NOS1AP: variants seen among roughly 807,000 people sequenced by gnomAD.
NOS1AP encodes carboxyl-terminal PDZ ligand of neuronal nitric oxide synthase protein.
NOS1AP carries 21 observed loss-of-function variants against 56.2 expected under a neutral mutation model. The ratio of observed to expected loss-of-function variants is 0.37; its 90% CI spans 0.26 to 0.54. The LOEUF (loss-of-function observed/expected upper bound fraction) is 0.54, where lower values mean the gene tolerates loss of function less well. Among genes scored for constraint, NOS1AP ranks in the 20% least tolerant of loss-of-function variants. The pLI is 0.84. For missense variants in NOS1AP, 522 were observed against 657.8 expected, an observed-to-expected ratio of 0.79 and a Z score of 2.26; for synonymous variants, 270 against 274.6, an observed-to-expected ratio of 0.98 and a Z score of 0.17.
At chr1:162,240,199 C>T (rs2101679852) in intron 2 of NOS1AP, among the ~76,000 whole-genome samples, 1 of 151,884 alleles carries the variant, frequency 6.6e-6, no homozygotes, top group Admixed American at 6.5e-5. Flanking sequence ...GCCTCACTGA[C>T]TTCCATGATT....
rs115686399 is a variant in NOS1AP, at chr1:162,135,551, C to G, written c.106-18854C>G. Among the ~76,000 whole-genome samples, 1,344 of 152,262 alleles carry G rather than the reference C, an allele frequency of 8.8e-3. 20 individuals are homozygous for G. The highest frequency in any genetic ancestry group is 0.031 in the African/African-American group (1,272 of 41,542). ...GGCATTTATTTTGGACCCTGAGAAG[C>G]AGAAGCCTTCTGCATCTCCCAAGGG... On this transcript the variant is annotated intron_variant, in intron 1 of 9. Coordinates refer to ENST00000361897, the MANE Select transcript of NOS1AP (RefSeq NM_014697.3).
intron 2 of NOS1AP, among the ~76,000 whole-genome samples, chr1:162,255,490 ATTTTTTTTTTTTTTTTTTT>A (rs35637289): frequency 0.036 from 2,220 of 61,142 alleles, 100 homozygotes; most frequent in African/African-American, 0.1. Context: ...GCTGCTGCTG[ATTTTTTTTTTTTTTTTTTT>A]TTTTTTTTTT....
chr1:162,272,396 A>C (rs529006535), intron 2 of NOS1AP, among the ~76,000 whole-genome samples: 2 of 152,264 alleles, frequency 1.3e-5, no homozygotes, highest in South Asian at 4.2e-4. Context: ...GAAGCTGGGG[A>C]TGCTGCCAAA....
At chr1:162,230,151 C>T (rs1653077548) in intron 2 of NOS1AP, among the ~76,000 whole-genome samples, 1 of 152,128 alleles carries the variant, frequency 6.6e-6, no homozygotes, top group African/African-American at 2.4e-5. Flanking sequence ...GGCTGGGGCC[C>T]ACTGGATGGT....
intron 2 of NOS1AP, among the ~76,000 whole-genome samples, chr1:162,165,805 T>C (rs536065354): frequency 4.6e-5 from 7 of 152,348 alleles, no homozygotes; most frequent in African/African-American, 1.7e-4. Context: ...AGGCCATTAT[T>C]TGATTTTATG....
chr1:162,301,894 G>A (rs1363618553), intron 4 of NOS1AP, among the ~76,000 whole-genome samples: 1 of 152,250 alleles, frequency 6.6e-6, no homozygotes. Flanking sequence ...CTTTTAAAGA[G>A]CAGATGCTTG....
chr1:162,157,452 G>T (rs923142797), intron 2 of NOS1AP, among the ~76,000 whole-genome samples: 7 of 152,154 alleles, frequency 4.6e-5, no homozygotes, highest in African/African-American at 1.7e-4. Context: ...AATTACAGCT[G>T]TCAAGAACTA....
chr1:162,069,994 G>A lies in NOS1AP; in HGVS notation c.-184G>A. On this transcript the variant is annotated 5_prime_UTR_variant, in exon 1 of 10. Transcript: ENST00000361897. ...CGCGTCGCCCGCATCAGCTCAGCCC[G>A]CTGCCGCTCGGCCCTCGGCACCGCT... is the stretch of plus-strand genomic sequence containing the variant. 1 of 347,096 alleles carries A rather than the reference G, an allele frequency of 2.9e-6. No homozygotes were observed. The highest frequency in any genetic ancestry group is 5.2e-6 in the Non-Finnish European group (1 of 192,178). 21.5% of individuals were successfully genotyped at this position (347,096 alleles called of 1,614,324 possible). A position where few individuals can be genotyped will look rare whatever the true frequency, so the allele number is the denominator to read the frequency against.
At chr1:162,123,938 T>G (rs1310308200) in intron 1 of NOS1AP, among the ~76,000 whole-genome samples, 2 of 152,192 alleles carry the variant, frequency 1.3e-5, no homozygotes, top group African/African-American at 4.8e-5. Context: ...AAAAAAATAA[T>G]ATTGAGGCAA....
intron 2 of NOS1AP, among the ~76,000 whole-genome samples, chr1:162,221,569 C>T (rs966558005): frequency 6.6e-6 from 1 of 150,986 alleles, no homozygotes; most frequent in Non-Finnish European, 1.5e-5. Flanking sequence ...CACACACACA[C>T]ACACGGGTTA....
intron 2 of NOS1AP, among the ~76,000 whole-genome samples, chr1:162,186,192 C>T (rs1244372311): frequency 8.5e-5 from 13 of 152,174 alleles, no homozygotes. Flanking sequence ...CTGGTTGGCA[C>T]CACGTTATAA....
chr1:162,076,915 G>A (rs564975021), intron 1 of NOS1AP, among the ~76,000 whole-genome samples: 1 of 152,228 alleles, frequency 6.6e-6, no homozygotes, highest in Non-Finnish European at 1.5e-5. Flanking sequence ...TAATTTATCA[G>A]TACTTAATTC....
intron 5 of NOS1AP, among the ~76,000 whole-genome samples, chr1:162,340,685 C>T (rs758949521): frequency 6.6e-6 from 1 of 152,088 alleles, no homozygotes; most frequent in Non-Finnish European, 1.5e-5. Flanking sequence ...AAATGGGAGG[C>T]TGAAGGATGG....
Position 162,369,005 on chromosome 1 carries a change from A to G in NOS1AP, c.*1538A>G, listed in dbSNP as rs997742288. ...AGAAAGTCCAAATTAAAGGAAATAA[A>G]TTCAGTTTTATGTTAGCCTTCCTTG... On this transcript the variant is annotated 3_prime_UTR_variant, in exon 10 of 10. Coordinates refer to ENST00000361897, the MANE Select transcript of NOS1AP (RefSeq NM_014697.3). 11 of 152,206 alleles carry G rather than the reference A, an allele frequency of 7.2e-5. No homozygotes were observed. Among genetic ancestry groups the G allele is most frequent in the Non-Finnish European group, 1.0e-4 (7 of 68,036 alleles). The allele number at this position is 152,206 out of a possible 1,614,324, so 9.4% of individuals were successfully genotyped here. A position where few individuals can be genotyped will look rare whatever the true frequency, so the allele number is the denominator to read the frequency against.
rs1056346681 is a variant in NOS1AP at position 162,337,175 on chromosome 1, A to T, written c.453+4050A>T. Among the ~76,000 whole-genome samples, 8 of 152,218 alleles carry T rather than the reference A, an allele frequency of 5.3e-5. No individual in the cohort carries two copies. In the East Asian group the frequency reaches 9.6e-4, roughly 18 times the overall value. On this transcript the variant is annotated intron_variant, in intron 5 of 9. Coordinates refer to ENST00000361897, the MANE Select transcript of NOS1AP (RefSeq NM_014697.3). ...TACCAGTGACTGCACTTATTAATGC[A>T]TCAGTGCGTGAAGTGCTGGTGATTA... is the stretch of plus-strand genomic sequence containing the variant.
chr1:162,321,112 G>A (rs1322852135), intron 4 of NOS1AP, among the ~76,000 whole-genome samples: 4 of 152,228 alleles, frequency 2.6e-5, no homozygotes, highest in Non-Finnish European at 5.9e-5. Context: ...TTTGTATAAG[G>A]TGTAAGGAAG....
At chr1:162,104,906 C>T (rs899221333) in intron 1 of NOS1AP, among the ~76,000 whole-genome samples, 2 of 152,206 alleles carry the variant, frequency 1.3e-5, no homozygotes, top group Non-Finnish European at 2.9e-5. Context: ...CTTCTTCTGT[C>T]AGCTCAGGCA....
intron 2 of NOS1AP, among the ~76,000 whole-genome samples, chr1:162,213,475 T>G (rs1375333540): frequency 6.6e-6 from 1 of 152,146 alleles, no homozygotes; most frequent in African/African-American, 2.4e-5. Context: ...AGCAGAGACC[T>G]TTCACCTTCA....
chr1:162,112,283 A>G (rs541069345), intron 1 of NOS1AP, among the ~76,000 whole-genome samples: 2 of 152,348 alleles, frequency 1.3e-5, no homozygotes, highest in African/African-American at 2.4e-5. Flanking sequence ...CAAAAGTACC[A>G]TATATTGTCT....
Sources: gnomAD v4.1 joint callset for allele counts (sites outside exome capture counted in the v4.1 genomes callset) on GRCh38, gnomAD v4.1.1 for gene constraint, MANE v1.5 for transcripts, NCBI Gene and HGNC (gene_info 2026-07-23, HGNC 2026-07-21) for gene names.